SLC14A2: variants seen among roughly 807,000 people sequenced by gnomAD.
SLC14A2 encodes solute carrier family 14 member 2, also known as urea transporter 2.
Under a neutral mutation model 104.6 loss-of-function variants are expected in SLC14A2, and 91 were observed. The ratio of observed to expected loss-of-function variants is 0.87; its 90% CI spans 0.73 to 1.04. The LOEUF is 1.04. Among genes scored for constraint, SLC14A2 ranks in the 50% least tolerant of loss-of-function variants. The pLI is 0.00. For missense variants in SLC14A2, 1,189 were observed against 1,156.0 expected, an observed-to-expected ratio of 1.03 and a Z score of -0.41; for synonymous variants, 476 against 466.4, an observed-to-expected ratio of 1.02 and a Z score of -0.27.
At chr18:45,632,857 T>G (rs1351995705) in intron 5 of SLC14A2, among the ~76,000 whole-genome samples, 1 of 152,118 alleles carries the variant, frequency 6.6e-6, no homozygotes, top group Non-Finnish European at 1.5e-5. Context: ...TTTTGTATTT[T>G]TAGTAGAGAC....
chr18:45,606,734 T>TAAAAAAAAAAAAAAAA (rs781251287), intron 2 of SLC14A2, among the ~76,000 whole-genome samples: 1 of 76,610 alleles, frequency 1.3e-5, no homozygotes, highest in African/African-American at 4.3e-5. Flanking sequence ...AAAGTCTAAT[T>TAAAAAAAAAAAAAAAA]AAAAAAAAAA....
At chr18:45,188,506 C>T in the SLC14A2 span, among the ~76,000 whole-genome samples, 2 of 152,268 alleles carry the variant, frequency 1.3e-5, no homozygotes, top group African/African-American at 4.8e-5. Flanking sequence ...GAATTCCCTA[C>T]CCTTATCTCT....
chr18:45,352,432 T>C (rs189233117), intron 1 of SLC14A2, among the ~76,000 whole-genome samples: 11 of 152,316 alleles, frequency 7.2e-5, no homozygotes, highest in Admixed American at 5.2e-4. Flanking sequence ...ATAAGTAGAC[T>C]AAACTTTAAA....
intron 1 of SLC14A2, among the ~76,000 whole-genome samples, chr18:45,321,226 G>A (rs771184837): frequency 6.6e-6 from 1 of 152,210 alleles, no homozygotes; most frequent in Non-Finnish European, 1.5e-5. Flanking sequence ...ATGGAAATCA[G>A]CAGTTGATAC....
chr18:45,635,691 C>T (rs547711488), intron 5 of SLC14A2, among the ~76,000 whole-genome samples: 11 of 152,262 alleles, frequency 7.2e-5, no homozygotes, highest in Middle Eastern at 3.4e-3. Context: ...AGCAGAGAAA[C>T]GGAGCCACAG....
intron 2 of SLC14A2, among the ~76,000 whole-genome samples, chr18:45,576,000 T>A (rs1459600726): frequency 6.6e-6 from 1 of 152,156 alleles, no homozygotes; most frequent in Non-Finnish European, 1.5e-5. Flanking sequence ...ATTTCAAATT[T>A]TAAGAATTAA....
intron 1 of SLC14A2, among the ~76,000 whole-genome samples, chr18:45,287,599 G>A (rs2144157959): frequency 6.6e-6 from 1 of 152,292 alleles, no homozygotes. Flanking sequence ...GGAATTCAAG[G>A]ATGGAAGCAG....
At chr18:45,194,363 T>A in the SLC14A2 span, among the ~76,000 whole-genome samples, 1 of 152,212 alleles carries the variant, frequency 6.6e-6, no homozygotes, top group Non-Finnish European at 1.5e-5. Flanking sequence ...GTTCAGAAAG[T>A]CCTCTTCTAT....
At chr18:45,387,873 G>C (rs375573117) in intron 1 of SLC14A2, among the ~76,000 whole-genome samples, 1 of 152,046 alleles carries the variant, frequency 6.6e-6, no homozygotes, top group South Asian at 2.1e-4. Context: ...CATGAAAGCC[G>C]GTATAGGCTT....
intron 1 of SLC14A2, among the ~76,000 whole-genome samples, chr18:45,235,060 A>G (rs1361800580): frequency 2.0e-5 from 3 of 152,188 alleles, no homozygotes; most frequent in Non-Finnish European, 2.9e-5. Context: ...TCACTTTGGA[A>G]TCTTCAAATC....
intron 1 of SLC14A2, among the ~76,000 whole-genome samples, chr18:45,310,883 G>T (rs1599665116): frequency 6.6e-6 from 1 of 152,284 alleles, no homozygotes; most frequent in Non-Finnish European, 1.5e-5. Flanking sequence ...CTTAGAGAGG[G>T]TTTATAGACA....
intron 18 of SLC14A2, among the ~76,000 whole-genome samples, chr18:45,677,860 G>T (rs181360421): frequency 4.1e-4 from 62 of 152,242 alleles, no homozygotes; most frequent in African/African-American, 1.3e-3. Flanking sequence ...TGTCACCCAG[G>T]CTAGATCACA....
In SLC14A2 at chr18:45,258,284, T is replaced by C. The variant is rs1406415834; in HGVS notation, c.-125+45093T>C. On this transcript the variant is annotated intron_variant, in intron 1 of 20. Transcript: ENST00000586448. The stretch of plus-strand genomic sequence containing the variant: ...ATGGGAGGTTGACAATGGTAGGACA[T>C]AGTGCCCAGGAGCCTACCATAACCC... 1.4e-5 allele frequency among the ~76,000 whole-genome samples: 2 copies of C among 141,894 alleles called. 1 individual carries two copies. Among genetic ancestry groups the C allele is most frequent in the African/African-American group, 5.6e-5 (2 of 35,882 alleles). The allele number at this position is 141,894 out of a possible 152,430, so 93.1% of individuals were successfully genotyped here.
chr18:45,261,336 C>A (rs1252235575), intron 1 of SLC14A2, among the ~76,000 whole-genome samples: 1 of 151,882 alleles, frequency 6.6e-6, no homozygotes, highest in Middle Eastern at 3.4e-3. Flanking sequence ...CTACAAAGGA[C>A]ATGAACTCAT....
intron 10 of SLC14A2, among the ~76,000 whole-genome samples, chr18:45,648,245 G>A (rs1292232633): frequency 6.4e-5 from 8 of 124,930 alleles, no homozygotes; most frequent in Admixed American, 9.8e-5. Context: ...TCACTCTATC[G>A]CCCAGGCTGG....
chr18:45,239,822 C>T (rs543525318), intron 1 of SLC14A2, among the ~76,000 whole-genome samples: 8 of 152,308 alleles, frequency 5.3e-5, no homozygotes, highest in Admixed American at 2.6e-4. Flanking sequence ...AGCCCTTACC[C>T]TGCCAGGTAC....
intron 1 of SLC14A2, among the ~76,000 whole-genome samples, chr18:45,349,252 A>G (rs549030438): frequency 1.6e-4 from 25 of 152,350 alleles, no homozygotes; most frequent in African/African-American, 5.8e-4. Context: ...TGGGAATTAT[A>G]TCAAATAGGA....
chr18:45,341,025 CAGG>C (rs540654230), intron 1 of SLC14A2, among the ~76,000 whole-genome samples: 110 of 152,284 alleles, frequency 7.2e-4, no homozygotes, highest in African/African-American at 2.3e-3. Context: ...GTCATCCAGC[CAGG>C]AAGTCCATCT....
At chr18:45,373,781 G>A (rs1435981541) in intron 1 of SLC14A2, among the ~76,000 whole-genome samples, 1 of 152,186 alleles carries the variant, frequency 6.6e-6, no homozygotes, top group Non-Finnish European at 1.5e-5. Context: ...TCAGCACAGG[G>A]CAAGTATGTA....
Sources: allele counts gnomAD v4.1 joint callset (sites outside exome capture counted in the v4.1 genomes callset), GRCh38; gene constraint gnomAD v4.1.1; transcripts MANE v1.5; gene names NCBI Gene and HGNC (gene_info 2026-07-23, HGNC 2026-07-21).